The following SEC31B variants were observed in gnomAD, a reference collection of about 807,000 sequenced individuals.
The protein encoded by SEC31B is protein transport protein Sec31B.
SEC31B carries 113 observed loss-of-function variants against 135.0 expected under a neutral mutation model. The ratio of observed to expected loss-of-function variants is 0.84; its 90% CI spans 0.72 to 0.98. The LOEUF (loss-of-function observed/expected upper bound fraction) is 0.98. SEC31B is among the 50% of genes least tolerant of loss of function. The pLI is 0.00. For missense variants in SEC31B, 1,296 were observed against 1,421.1 expected (o/e 0.91, Z 1.42); for synonymous variants, 508 against 549.4 (o/e 0.92, Z 1.05).
chr10:100,507,674 A>G, intron 6 of SEC31B, 107 bp from the exon 7 acceptor site: 1 of 1,466,022 alleles, frequency 6.8e-7, no homozygotes. Context: ...GACTGGGAAC[A>G]CCACAGGCAT....
intron 19 of SEC31B, 57 bp from the exon 20 acceptor site, chr10:100,490,940 A>G: frequency 1.6e-6 from 2 of 1,229,506 alleles, no homozygotes; most frequent in Non-Finnish European, 2.1e-6. Flanking sequence ...TAAATAATAG[A>G]AAACAGAAAA....
intron 2 of SEC31B, 90 bp from the exon 3 acceptor site, chr10:100,516,309 G>A: frequency 6.9e-7 from 1 of 1,443,284 alleles, no homozygotes; most frequent in Non-Finnish European, 9.5e-7. Context: ...AGAAGGAACA[G>A]AAGAGGGCTG....
intron 19 of SEC31B, among the ~76,000 whole-genome samples, chr10:100,494,619 C>G (rs1851368488): frequency 6.6e-6 from 1 of 152,214 alleles, no homozygotes. Flanking sequence ...ATGCTATTCT[C>G]TGTGCCTGAA....
At chr10:100,495,838 C>G (rs555898403) in intron 18 of SEC31B, among the ~76,000 whole-genome samples, 1 of 152,252 alleles carries the variant, frequency 6.6e-6, no homozygotes, top group East Asian at 1.9e-4. Context: ...CTTGGACACC[C>G]CCGCTCTATA....
At chr10:100,517,135 T>A in intron 1 of SEC31B, 138 bp from the exon 2 acceptor site, 1 of 591,538 alleles carries the variant, frequency 1.7e-6, no homozygotes, top group Non-Finnish European at 3.0e-6. Flanking sequence ...CATCTGCAGA[T>A]CTAAAGATAG....
chr10:100,489,829 G>A lies in SEC31B; in HGVS notation c.2966-68C>T, dbSNP rs536142856. Reference sequence around the variant, plus strand: ...AACACTGGAAGTTTTTTATCTGAAGGCTGGAAGCATTCTTTGAGTTGGAGT... The same window carrying A: ...AACACTGGAAGTTTTTTATCTGAAGACTGGAAGCATTCTTTGAGTTGGAGT... On this transcript the variant is annotated intron_variant, in intron 21 of 25. Coordinates refer to ENST00000370345, the MANE Select transcript of SEC31B (RefSeq NM_015490.4). 4.4e-6 allele frequency: 7 copies of A among 1,608,908 alleles called. No homozygotes were observed. The South Asian group carries it at 7.7e-5, about 18-fold the overall frequency.
chr10:100,508,000 T>C lies in SEC31B; in HGVS notation c.547A>G (p.Ile183Val). Residue 183 changes from isoleucine (I) to valine (V), a missense_variant, in exon 6 of 26, where the codon ATT (isoleucine) becomes GTT (valine). Transcript: ENST00000370345. ...ALSWNRQAQH[I>V]LSSAHPSGKA... Reference sequence around the variant, plus strand: ...CCACTGGGGTGAGCAGAAGACAGAATGTGTTGGGCTTGCCGGTTCCAAGAC... The same window carrying C: ...CCACTGGGGTGAGCAGAAGACAGAACGTGTTGGGCTTGCCGGTTCCAAGAC... The C allele has an allele frequency of 6.2e-7, 1 of 1,614,176 alleles. No homozygotes were observed. The highest frequency in any genetic ancestry group is 8.5e-7 in the Non-Finnish European group (1 of 1,180,036).
At chr10:100,517,030 G>T in intron 1 of SEC31B, 33 bp from the exon 2 acceptor site, 1 of 1,054,102 alleles carries the variant, frequency 9.5e-7, no homozygotes, top group Non-Finnish European at 1.5e-6. Context: ...TTAACAGCCA[G>T]ATCCAGGGAG....
intron 23 of SEC31B, 112 bp downstream of exon 23, chr10:100,489,140 C>A: frequency 7.0e-7 from 1 of 1,435,770 alleles, no homozygotes; most frequent in Non-Finnish European, 9.3e-7. Flanking sequence ...CTGGTACCTG[C>A]CCCCAGTCTC....
intron 3 of SEC31B, among the ~76,000 whole-genome samples, chr10:100,511,899 A>G (rs1271036783): frequency 6.6e-6 from 1 of 152,234 alleles, no homozygotes; most frequent in African/African-American, 2.4e-5. Context: ...CTACGCATCT[A>G]CTATGAATCC....
chr10:100,490,893 GA>G lies in SEC31B; in HGVS notation c.2473-11del, dbSNP rs763043872. On this transcript the variant is annotated splice_polypyrimidine_tract_variant and intron_variant, in intron 19 of 25. Transcript: ENST00000370345. ...GAGATGGAGTTGGGACCTATGAAGA[GA>G]AAAAAACATCAGCTCTTGGAAAGGA... The G allele has an allele frequency of 3.6e-6, 5 of 1,401,586 alleles. No homozygotes were observed. Among genetic ancestry groups the G allele is most frequent in the Admixed American group, 2.5e-5 (1 of 40,130 alleles). The allele number at this position is 1,401,586 out of a possible 1,614,324, so 86.8% of individuals were successfully genotyped here.
intron 19 of SEC31B, among the ~76,000 whole-genome samples, chr10:100,494,005 A>AGAAG (rs1851355927): frequency 6.7e-6 from 1 of 150,040 alleles, no homozygotes; most frequent in Admixed American, 6.6e-5. Context: ...AAGGGAGGGA[A>AGAAG]GAAAGGGAGG....
Position 100,507,479 on chromosome 10 carries a change from A to G in SEC31B, c.728T>C (p.Leu243Pro). The G allele has an allele frequency of 1.2e-6, 2 of 1,614,224 alleles. No homozygotes were observed. Residue 243 changes from leucine to proline, a missense_variant, in exon 7 of 26, where the codon CTG becomes CCG. Physicochemically the swap from Leu to Pro is moderately conservative, Grantham distance 98 (BLOSUM62 -3). Transcript: ENST00000370345. Reference protein sequence around the residue: ...SEDDRLPVIQLWDLRFASSPL... With the variant: ...SEDDRLPVIQPWDLRFASSPL... ...CGAGGAGGCAAAGCGCAAGTCCCAC[A>G]GCTGAATCACGGGAAGTCGATCATC...
chr10:100,490,134 G>T lies in SEC31B; in HGVS notation c.2839C>A (p.Pro947Thr), dbSNP rs1338274980. 5 of 1,594,756 alleles carry T rather than the reference G, an allele frequency of 3.1e-6. No homozygotes were observed. In the African/African-American group the frequency reaches 4.0e-5, roughly 13 times the overall value. Residue 947 changes from proline to threonine, a missense_variant, in exon 21 of 26, where the codon CCC becomes ACC. Physicochemically the swap from Pro to Thr is conservative, Grantham distance 38. Transcript: ENST00000370345. ...FPLLPLRPLGPGRMVSHTPAP... is the reference protein window; with the variant it reads ...FPLLPLRPLGTGRMVSHTPAP... ...GGGGTGTGGGAGACCATGCGGCCGG[G>T]ACCTAGTGGTCTCAGAGGAAGCAGA...
At chr10:100,513,832 T>G (rs1458567008) in intron 3 of SEC31B, among the ~76,000 whole-genome samples, 1 of 152,086 alleles carries the variant, frequency 6.6e-6, no homozygotes, top group East Asian at 1.9e-4. Context: ...ATACAAATAT[T>G]TATTAAATAT....
At chr10:100,501,748 G>A in intron 11 of SEC31B, 1 of 157,232 alleles carries the variant, frequency 6.4e-6, no homozygotes, top group East Asian at 1.9e-4. Context: ...ATGAGAACTG[G>A]AACTGAACCC....
At chr10:100,519,380 G>A (rs1453316460) in intron 1 of SEC31B, among the ~76,000 whole-genome samples, 2 of 152,362 alleles carry the variant, frequency 1.3e-5, no homozygotes, top group South Asian at 4.1e-4. Flanking sequence ...AGTCCCTAGG[G>A]AGGACGGTCA....
Position 100,497,256 on chromosome 10 carries a change from T to C in SEC31B, c.2015A>G (p.Gln672Arg), listed in dbSNP as rs1851429017. Residue 672 changes from glutamine to arginine, a missense_variant, in exon 17 of 26, where the codon CAG (glutamine) becomes CGG (arginine). Gln to Arg is a conservative substitution (Grantham distance 43). Transcript: ENST00000370345. ...LCDMLGTRME[Q>R]EGSRALTSEA... ...GGAGGTTAGTGCCCTGCTGCCCTCCTGTTCCATGCGAGTTCCCAGCATGTC... is the reference window on the plus strand; with the variant it reads ...GGAGGTTAGTGCCCTGCTGCCCTCCCGTTCCATGCGAGTTCCCAGCATGTC... The C allele has an allele frequency of 1.2e-6, 2 of 1,614,198 alleles. No individual in the cohort carries two copies. The highest frequency in any genetic ancestry group is 1.7e-6 in the Non-Finnish European group (2 of 1,180,002).
At chr10:100,489,019 CCTT>C (rs1363746116) in intron 23 of SEC31B, 45 bp from the exon 24 acceptor site, 2 of 1,561,876 alleles carry the variant, frequency 1.3e-6, no homozygotes, top group Non-Finnish European at 8.6e-7. Context: ...GGCAAGCTGT[CCTT>C]CTCATGGCTT....
Sources: allele counts gnomAD v4.1 joint callset (sites outside exome capture counted in the v4.1 genomes callset), GRCh38; gene constraint gnomAD v4.1.1; transcripts MANE v1.5; gene names NCBI Gene and HGNC (gene_info 2026-07-23, HGNC 2026-07-21).